TGM4: variants seen among roughly 807,000 people sequenced by gnomAD.
The protein encoded by TGM4 is protein-glutamine gamma-glutamyltransferase 4.
In TGM4, 61 loss-of-function variants were observed where a neutral mutation model predicts 76.3. The ratio of observed to expected loss-of-function variants is 0.80; its 90% CI spans 0.65 to 0.99. TGM4 has a LOEUF of 0.99. Among genes scored for constraint, TGM4 ranks in the 50% least tolerant of loss-of-function variants. The pLI, the probability that TGM4 is intolerant of heterozygous loss-of-function variation, is 0.00. For synonymous variants in TGM4, 337 were observed against 329.8 expected (o/e 1.02, Z -0.24); for missense variants, 794 against 843.2 (o/e 0.94, Z 0.72).
chr3:44,885,482 A>G lies in TGM4; in HGVS notation c.177A>G (p.Lys59=). ...NQPLQSYHQL[K]LEFSTGPNPS... ...CCCTACAATCCTACCACCAACTGAAACTGGAATTCAGCACAGGTGAAGCCT... is the reference window on the plus strand; with the variant it reads ...CCCTACAATCCTACCACCAACTGAAGCTGGAATTCAGCACAGGTGAAGCCT... Residue 59 remains lysine (K), a synonymous_variant, in exon 2 of 14, where the codon AAA becomes AAG. Transcript: ENST00000296125. The G allele has an allele frequency of 6.2e-7, 1 of 1,611,192 alleles. No individual in the cohort carries two copies. Among genetic ancestry groups the G allele is most frequent in the Admixed American group, 1.7e-5 (1 of 59,972 alleles).
intron 1 of TGM4, 100 bp from the exon 2 acceptor site, chr3:44,885,225 C>T (rs1286845843): frequency 7.8e-7 from 1 of 1,289,956 alleles, no homozygotes; most frequent in East Asian, 2.5e-5. Context: ...TAAAGCCCAG[C>T]TCCACCTCAA....
Position 44,910,992 on chromosome 3 carries a change from C to T in TGM4, c.1641C>T (p.Thr547=), listed in dbSNP as rs764062746. The T allele has an allele frequency of 5.6e-6, 9 of 1,614,082 alleles. No individual in the cohort carries two copies. In the South Asian group the frequency reaches 9.9e-5, roughly 18 times the overall value. The change falls in exon 12 of 14, where the codon ACC becomes ACT. Residue 547 remains threonine (T), a synonymous_variant. Transcript: ENST00000296125. ...TGACTCTGACCTTGGACTCCAAGAC[C>T]TACATCAACAGCCTGGCTATATTAG... ...SEVTLTLDSK[T]YINSLAILDD...
intron 4 of TGM4, 64 bp downstream of exon 4, chr3:44,890,796 A>G: frequency 1.3e-6 from 2 of 1,586,674 alleles, no homozygotes; most frequent in Non-Finnish European, 1.7e-6. Flanking sequence ...GCTATGTGCA[A>G]TGCATAGTCT....
intron 6 of TGM4, among the ~76,000 whole-genome samples, 192 bp downstream of exon 6, chr3:44,897,008 T>C (rs1352337355): frequency 1.4e-5 from 2 of 147,886 alleles, no homozygotes; most frequent in African/African-American, 2.5e-5. Flanking sequence ...TTCTTTTTTT[T>C]TTTTTTTTTT....
intron 10 of TGM4, 127 bp from the exon 11 acceptor site, chr3:44,909,963 C>T (rs1575728173): frequency 2.0e-6 from 2 of 992,872 alleles, no homozygotes; most frequent in East Asian, 4.8e-5. Context: ...GAATCTATAG[C>T]TCATGGGCTC....
Position 44,890,854 on chromosome 3 carries a change from T to C in TGM4, c.430+122T>C, listed in dbSNP as rs1699684183. The C allele has an allele frequency of 7.8e-6, 10 of 1,279,084 alleles. No homozygotes were observed. In the South Asian group the frequency reaches 1.4e-4, roughly 18 times the overall value. The allele number at this position is 1,279,084 out of a possible 1,614,324, so 79.2% of individuals were successfully genotyped here. ...GGTACTTGCAAACTAGTTTAAGGGA[T>C]GTGACCCAGGAACAGATCACAGACA... On this transcript the variant is annotated intron_variant, in intron 4 of 13. Transcript: ENST00000296125.
intron 1 of TGM4, among the ~76,000 whole-genome samples, chr3:44,879,265 C>CTCTCTCTCTCTCTATA (rs1482970491): frequency 3.3e-5 from 3 of 92,274 alleles, no homozygotes; most frequent in African/African-American, 1.3e-4. Context: ...CTCTCTCTCT[C>CTCTCTCTCTCTCTATA]TATATATATA....
Position 44,901,870 on chromosome 3 carries a change from G to A in TGM4, c.910G>A (p.Val304Met), listed in dbSNP as rs1304821167. The A allele has an allele frequency of 6.2e-7, 1 of 1,614,206 alleles. No homozygotes were observed. The highest frequency in any genetic ancestry group is 8.5e-7 in the Non-Finnish European group (1 of 1,180,022). ...TCACGACACAGAAAGGAACCTCACG[G>A]TGGACACCTATGTGAATGAGAATGG... ...SAHDTERNLT[V>M]DTYVNENGEK... Residue 304 changes from valine (V) to methionine (M), a missense_variant, in exon 8 of 14, where the codon GTG (valine) becomes ATG (methionine). Physicochemically the swap from Val to Met is conservative, Grantham distance 21 (BLOSUM62 1). Transcript: ENST00000296125.
At chr3:44,912,969 T>C (rs1700024409) in intron 13 of TGM4, among the ~76,000 whole-genome samples, 1 of 152,212 alleles carries the variant, frequency 6.6e-6, no homozygotes. Flanking sequence ...TTCTGAGAGG[T>C]TTCTGATGGT....
intron 4 of TGM4, among the ~76,000 whole-genome samples, chr3:44,892,429 G>A (rs1470932599): frequency 6.8e-6 from 1 of 147,888 alleles, no homozygotes; most frequent in Non-Finnish European, 1.5e-5. Flanking sequence ...ATGGCGCAAT[G>A]GTGCGATCTT....
intron 6 of TGM4, among the ~76,000 whole-genome samples, chr3:44,900,345 C>G (rs537804762): frequency 1.3e-5 from 2 of 152,196 alleles, no homozygotes; most frequent in African/African-American, 2.4e-5. Flanking sequence ...GTTTTCATTC[C>G]GTCTGACCAC....
intron 8 of TGM4, chr3:44,903,671 G>T: frequency 1.7e-6 from 1 of 575,268 alleles, no homozygotes; most frequent in South Asian, 2.0e-5. Context: ...CCTGCCCCCT[G>T]CACACAACTC....
At position 44,911,115 on chromosome 3, in the gene TGM4, G is replaced by A; in HGVS notation, c.1764G>A (p.Glu588=). ...TATTCACGTCTTTCCAGTACCCTGA[G>A]TTCTCTATAGAGGTGAGCTTCCTGC... ...SEVFTSFQYP[E]FSIELPNTGR... is the part of the protein sequence containing the mutation. The change falls in exon 12 of 14, where the codon GAG becomes GAA. Residue 588 remains glutamate (E), a synonymous_variant. Transcript: ENST00000296125. 6.2e-7 allele frequency: 1 copy of A among 1,614,180 alleles called. No individual in the cohort carries two copies.
Position 44,910,960 on chromosome 3 carries a change from T to G in TGM4, c.1609T>G (p.Ser537Ala). The G allele has an allele frequency of 6.2e-7, 1 of 1,613,968 alleles. No homozygotes were observed. Among genetic ancestry groups the G allele is most frequent in the Non-Finnish European group, 8.5e-7 (1 of 1,179,876 alleles). Residue 537 changes from serine (S) to alanine (A), a missense_variant and splice_region_variant, in exon 12 of 14, where the codon TCA (serine) becomes GCA (alanine). By Grantham distance (99) the Ser-to-Ala change is moderately conservative. Coordinates refer to ENST00000296125, the MANE Select transcript of TGM4 (RefSeq NM_003241.4). ...NKTSQIQGQVSEVTLTLDSKT... is the reference protein window; with the variant it reads ...NKTSQIQGQVAEVTLTLDSKT... ...CCTCCACCCTGACTCTTTGGCAGTA[T>G]CAGAAGTGACTCTGACCTTGGACTC...
At chr3:44,881,030 C>T (rs1254680524) in intron 1 of TGM4, among the ~76,000 whole-genome samples, 1 of 149,998 alleles carries the variant, frequency 6.7e-6, no homozygotes, top group East Asian at 1.9e-4. Context: ...CCAGCCTGGG[C>T]AACATAGTAA....
rs777884687 is a variant in TGM4 at position 44,901,793 on chromosome 3, T to C, written c.833T>C (p.Val278Ala). 2.0e-5 allele frequency: 33 copies of C among 1,613,964 alleles called. No individual in the cohort carries two copies. The South Asian group carries it at 3.6e-4, about 18-fold the overall frequency. The change falls in exon 8 of 14, where the codon GTG (valine) becomes GCG (alanine). Residue 278 changes from valine (V) to alanine (A), a missense_variant and splice_region_variant. Coordinates refer to ENST00000296125, the MANE Select transcript of TGM4 (RefSeq NM_003241.4). ...CWVFAGILTT[V>A]LRALGIPARS... is the part of the protein sequence containing the mutation. ...ACCACCCCACCCTGGATCATTTCAGTGCTGAGAGCGTTGGGCATCCCAGCA... is the reference window on the plus strand; with the variant it reads ...ACCACCCCACCCTGGATCATTTCAGCGCTGAGAGCGTTGGGCATCCCAGCA...
At chr3:44,878,612 A>T (rs1188629661) in intron 1 of TGM4, among the ~76,000 whole-genome samples, 1 of 151,872 alleles carries the variant, frequency 6.6e-6, no homozygotes, top group Non-Finnish European at 1.5e-5. Flanking sequence ...CCTCCTGAAT[A>T]GCTGGGATTA....
chr3:44,910,447 C>A, intron 11 of TGM4, 79 bp downstream of exon 11: 1 of 1,503,696 alleles, frequency 6.7e-7, no homozygotes, highest in South Asian at 1.3e-5. Context: ...CCTCTGTGGA[C>A]AACTTCCATA....
At chr3:44,889,001 C>T (rs565138721) in intron 3 of TGM4, 1 of 151,910 alleles carries the variant, frequency 6.6e-6, no homozygotes, top group East Asian at 1.9e-4. Context: ...TATTTATTAG[C>T]TCATTTAATT....
Sources: allele counts gnomAD v4.1 joint callset (sites outside exome capture counted in the v4.1 genomes callset), GRCh38; gene constraint gnomAD v4.1.1; transcripts MANE v1.5; gene names NCBI Gene and HGNC (gene_info 2026-07-23, HGNC 2026-07-21).